The following ERC2 variants were observed in gnomAD, a reference collection of about 807,000 sequenced individuals.
The protein encoded by ERC2 is ERC protein 2.
Under a neutral mutation model 114.8 loss-of-function variants are expected in ERC2, and 42 were observed. The observed-to-expected ratio is 0.37, with a 90% CI of 0.29 to 0.47. The LOEUF is 0.47. Ranked by LOEUF, ERC2 falls within the 20% of genes least tolerant of loss-of-function variation. The pLI, the probability that ERC2 is intolerant of heterozygous loss-of-function variation, is 0.99. For missense variants in ERC2, 939 were observed against 1,150.7 expected (o/e 0.82, Z 2.66); for synonymous variants, 454 against 425.5 (o/e 1.07, Z -0.82).
chr3:55,812,760 G>C (rs1413615971), intron 14 of ERC2, among the ~76,000 whole-genome samples: 1 of 152,226 alleles, frequency 6.6e-6, no homozygotes, highest in African/African-American at 2.4e-5. Flanking sequence ...GCACACAATA[G>C]GAGAGGGGGA....
chr3:55,515,116 G>A lies in ERC2; in HGVS notation c.*40-3840C>T, dbSNP rs142611707. Among the ~76,000 whole-genome samples the A allele has an allele frequency of 5.9e-3, 901 of 152,270 alleles. 9 individuals are homozygous for A. Among genetic ancestry groups the A allele is most frequent in the African/African-American group, 0.021 (868 of 41,544 alleles). On this transcript the variant is annotated intron_variant, in intron 17 of 17. Transcript: ENST00000288221. ...ATGAAGAAAAGGAACGGGGAACTGT[G>A]ATAGGGATGCCTAAGATTTATTAAG...
intron 14 of ERC2, among the ~76,000 whole-genome samples, chr3:55,822,032 AT>A (rs112219483): frequency 2.6e-5 from 4 of 151,646 alleles, no homozygotes; most frequent in African/African-American, 7.3e-5. Flanking sequence ...AAAACTTCAG[AT>A]TTTTTTTTCT....
At chr3:55,965,955 C>G (rs1413362779) in intron 12 of ERC2, among the ~76,000 whole-genome samples, 3 of 152,162 alleles carry the variant, frequency 2.0e-5, no homozygotes, top group Admixed American at 1.3e-4. Context: ...ACAGAACAAA[C>G]CACTTCCCCA....
chr3:56,006,145 G>A (rs1436847972), intron 10 of ERC2, among the ~76,000 whole-genome samples: 1 of 151,956 alleles, frequency 6.6e-6, no homozygotes, highest in African/African-American at 2.4e-5. Context: ...GACTTTCTTA[G>A]TGTGAAATTT....
chr3:55,989,002 A>G (rs2070848061), intron 11 of ERC2, among the ~76,000 whole-genome samples: 1 of 152,116 alleles, frequency 6.6e-6, no homozygotes, highest in African/African-American at 2.4e-5. Flanking sequence ...TTCCCAAGAA[A>G]CTTCCCCTCT....
chr3:56,056,956 T>C (rs957291985), intron 7 of ERC2, among the ~76,000 whole-genome samples: 3 of 152,120 alleles, frequency 2.0e-5, no homozygotes, highest in African/African-American at 7.2e-5. Context: ...TCATTACAGA[T>C]ATGGGGGCAA....
In ERC2 at chr3:56,001,652, G is replaced by T. The variant is rs79929471; in HGVS notation, c.2061+5529C>A. Among the ~76,000 whole-genome samples, 2,391 of 152,160 alleles carry T rather than the reference G, an allele frequency of 0.016. 94 individuals carry two copies. The East Asian group carries it at 0.17, about 11-fold the overall frequency. ...CCATGTCACTGATATTTCTAGAAAT[G>T]GTCTAAAAGCTAACTGAGAGTTATT... On this transcript the variant is annotated intron_variant, in intron 10 of 17. Coordinates refer to ENST00000288221, the MANE Select transcript of ERC2 (RefSeq NM_015576.3).
chr3:55,658,615 C>T (rs2060981904), intron 17 of ERC2: 1 of 152,654 alleles, frequency 6.6e-6, no homozygotes, highest in Admixed American at 6.5e-5. Context: ...CAGACCAAAG[C>T]AATGGATGGC....
chr3:56,362,357 T>C (rs1179149811), intron 2 of ERC2, among the ~76,000 whole-genome samples: 6 of 152,156 alleles, frequency 3.9e-5, no homozygotes, highest in African/African-American at 1.2e-4. Flanking sequence ...AACACATTGG[T>C]AGGAGAGAGA....
chr3:55,517,742 G>A (rs2052629012), intron 17 of ERC2, among the ~76,000 whole-genome samples: 1 of 152,134 alleles, frequency 6.6e-6, no homozygotes, highest in Admixed American at 6.5e-5. Context: ...TCTGGCCACC[G>A]GCCAGCCCCA....
intron 2 of ERC2, among the ~76,000 whole-genome samples, chr3:56,415,256 G>A (rs1171078277): frequency 6.6e-6 from 1 of 152,100 alleles, no homozygotes; most frequent in African/African-American, 2.4e-5. Context: ...TTTAATGAGT[G>A]GATGGATGGA....
At chr3:56,122,471 T>G (rs1265117114) in intron 6 of ERC2, among the ~76,000 whole-genome samples, 2 of 152,196 alleles carry the variant, frequency 1.3e-5, no homozygotes, top group African/African-American at 4.8e-5. Flanking sequence ...AAAAATTTTT[T>G]TTGACAATGC....
chr3:55,935,123 T>A (rs866531303), intron 13 of ERC2, among the ~76,000 whole-genome samples: 1 of 152,210 alleles, frequency 6.6e-6, no homozygotes, highest in Non-Finnish European at 1.5e-5. Flanking sequence ...TATAGCCACA[T>A]GTTTTTTAGA....
chr3:56,079,773 G>T (rs934601181), intron 7 of ERC2, among the ~76,000 whole-genome samples: 1 of 152,180 alleles, frequency 6.6e-6, no homozygotes, highest in African/African-American at 2.4e-5. Context: ...GTTTTTATCA[G>T]AGAGTGACAT....
intron 2 of ERC2, among the ~76,000 whole-genome samples, chr3:56,429,391 C>T (rs191643787): frequency 2.6e-5 from 4 of 152,302 alleles, no homozygotes; most frequent in African/African-American, 9.6e-5. Context: ...ATCCCTCCCC[C>T]AACTGTTCTA....
At chr3:55,906,889 CAG>C (rs2064488541) in intron 13 of ERC2, among the ~76,000 whole-genome samples, 1 of 152,154 alleles carries the variant, frequency 6.6e-6, no homozygotes, top group South Asian at 2.1e-4. Context: ...TCTATTCAAT[CAG>C]AGGGTGATCA....
chr3:55,889,434 T>C (rs2149321461), intron 13 of ERC2, among the ~76,000 whole-genome samples: 1 of 152,272 alleles, frequency 6.6e-6, no homozygotes, highest in South Asian at 2.1e-4. Flanking sequence ...ATGTAACTTT[T>C]ATAGGGTGCT....
At chr3:55,561,950 G>T (rs2056052958) in intron 17 of ERC2, among the ~76,000 whole-genome samples, 1 of 152,162 alleles carries the variant, frequency 6.6e-6, no homozygotes. Context: ...TAGAATGCTA[G>T]CCTGGAGTTG....
chr3:55,828,964 C>A lies in ERC2; in HGVS notation c.2564+59425G>T, dbSNP rs1022056751. Among the ~76,000 whole-genome samples, 5 of 151,960 alleles carry A rather than the reference C, an allele frequency of 3.3e-5. No homozygotes were observed. In the East Asian group the frequency reaches 9.7e-4, roughly 29 times the overall value. On this transcript the variant is annotated intron_variant, in intron 14 of 17. Transcript: ENST00000288221. Reference sequence around the variant, plus strand: ...ACCAGCTTGGTCAACATAGTGAGATCCTGTCTCTATAAAAAAATTAGCTGA... The same window carrying A: ...ACCAGCTTGGTCAACATAGTGAGATACTGTCTCTATAAAAAAATTAGCTGA...
Sources: gnomAD v4.1 joint callset for allele counts (sites outside exome capture counted in the v4.1 genomes callset) on GRCh38, gnomAD v4.1.1 for gene constraint, MANE v1.5 for transcripts, NCBI Gene and HGNC (gene_info 2026-07-23, HGNC 2026-07-21) for gene names.